Variants in TNFSF18 observed in about 807,000 individuals in gnomAD.
TNFSF18 encodes TNF superfamily member 18.
Under a neutral mutation model 9.6 loss-of-function variants are expected in TNFSF18, and 6 were observed. The ratio of observed to expected loss-of-function variants is 0.63; its 90% confidence interval spans 0.34 to 1.24. TNFSF18 has a LOEUF of 1.24. TNFSF18 is among the 50% of genes most tolerant of loss of function. The probability of loss-of-function intolerance (pLI) is 0.03; values close to 1 mark genes in which losing one functional copy is unlikely to be tolerated. For missense variants in TNFSF18, 210 were observed against 201.0 expected (o/e 1.04, Z -0.27); for synonymous variants, 68 against 71.7 (o/e 0.95, Z 0.26).
intron 2 of TNFSF18, among the ~76,000 whole-genome samples, chr1:173,042,844 C>T (rs1268465106): frequency 6.6e-6 from 1 of 152,076 alleles, no homozygotes; most frequent in Non-Finnish European, 1.5e-5. Context: ...ATTTTTACTT[C>T]AATGCTCATT....
intron 1 of TNFSF18, among the ~76,000 whole-genome samples, chr1:173,045,880 T>A (rs531113799): frequency 3.0e-4 from 46 of 152,316 alleles, no homozygotes; most frequent in Non-Finnish European, 5.6e-4. Flanking sequence ...ACAGTATACC[T>A]GGACACAAAT....
chr1:173,045,660 G>C (rs1005804369), intron 1 of TNFSF18, among the ~76,000 whole-genome samples: 2 of 147,924 alleles, frequency 1.4e-5, no homozygotes, highest in Non-Finnish European at 3.0e-5. Context: ...TGTTGTTGTT[G>C]TTACGTTTTA....
In TNFSF18 at chr1:173,050,889, A is replaced by G; in HGVS notation, c.8T>C (p.Leu3Ser). The change falls in exon 1 of 3, where the codon TTG (leucine) becomes TCG (serine). Residue 3 changes from leucine to serine, a missense_variant. Transcript: ENST00000404377. ...TAAAGGCATATTTTCCAAGTGGCTC[A>G]AACACATTTTTGGAGAAATGAGAGC... MC[L>S]SHLENMPLSH... is the part of the protein sequence containing the mutation. The G allele has an allele frequency of 6.2e-7, 1 of 1,613,902 alleles. No homozygotes were observed. Among genetic ancestry groups the G allele is most frequent in the Non-Finnish European group, 8.5e-7 (1 of 1,179,810 alleles).
At chr1:173,041,734 TA>T in intron 2 of TNFSF18, 21 bp from the exon 3 acceptor site, 1 of 1,533,518 alleles carries the variant, frequency 6.5e-7, no homozygotes, top group South Asian at 1.3e-5. Context: ...TATACAAGGA[TA>T]AAAAAGATGA....
chr1:173,045,780 T>A (rs1354899064), intron 1 of TNFSF18, among the ~76,000 whole-genome samples: 4 of 152,098 alleles, frequency 2.6e-5, no homozygotes, highest in Non-Finnish European at 5.9e-5. Flanking sequence ...TGCAGCAATG[T>A]CCCTGAGTAG....
intron 1 of TNFSF18, among the ~76,000 whole-genome samples, chr1:173,049,187 T>TA (rs1179648699): frequency 6.6e-6 from 1 of 152,176 alleles, no homozygotes; most frequent in Non-Finnish European, 1.5e-5. Flanking sequence ...TTAGACTTTC[T>TA]CTTTCCCTTT....
chr1:173,044,007 G>A (rs771487778), intron 1 of TNFSF18, 38 bp from the exon 2 acceptor site: 2 of 1,585,150 alleles, frequency 1.3e-6, no homozygotes, highest in South Asian at 1.1e-5. Context: ...TTAGGATGAT[G>A]ACAGTGTCAT....
Position 173,040,698 on chromosome 1 carries a change from C to T in TNFSF18, c.*669G>A, listed in dbSNP as rs914529921. The T allele has an allele frequency of 6.6e-6, 1 of 152,128 alleles. No individual in the cohort carries two copies. The highest frequency in any genetic ancestry group is 1.5e-5 in the Non-Finnish European group (1 of 68,014). 9.4% of individuals were successfully genotyped at this position (152,128 alleles called of 1,614,324 possible). A position where few individuals can be genotyped will look rare whatever the true frequency, so the allele number is the denominator to read the frequency against. On this transcript the variant is annotated 3_prime_UTR_variant, in exon 3 of 3. Transcript: ENST00000404377. ...CACACACACCAACAGTAAGGTCTCACAAAGCTCTACGTGAGGGTTCGGAAT... is the reference window on the plus strand; with the variant it reads ...CACACACACCAACAGTAAGGTCTCATAAAGCTCTACGTGAGGGTTCGGAAT...
intron 1 of TNFSF18, among the ~76,000 whole-genome samples, chr1:173,044,792 TAGTGA>T (rs1665052221): frequency 6.6e-6 from 1 of 152,196 alleles, no homozygotes; most frequent in Non-Finnish European, 1.5e-5. Context: ...AGGGCAAATG[TAGTGA>T]GACTAGCTAA....
At position 173,039,976 on chromosome 1, in the gene TNFSF18, T is replaced by A. The variant is rs992594219; in HGVS notation, c.*1391A>T. 3 of 152,050 alleles carry A rather than the reference T, an allele frequency of 2.0e-5. No homozygotes were observed. The highest frequency in any genetic ancestry group is 7.2e-5 in the African/African-American group (3 of 41,422). The allele number at this position is 152,050 out of a possible 1,614,324, so 9.4% of individuals were successfully genotyped here. A position where few individuals can be genotyped will look rare whatever the true frequency, so the allele number is the denominator to read the frequency against. The stretch of plus-strand genomic sequence containing the variant: ...CTTTTAAATAGCTTTACATGTAATA[T>A]TATTTAACATAATGCAGCTTTTCAC... On this transcript the variant is annotated 3_prime_UTR_variant, in exon 3 of 3. Transcript: ENST00000404377.
chr1:173,045,068 G>A (rs916916536), intron 1 of TNFSF18, among the ~76,000 whole-genome samples: 3 of 152,136 alleles, frequency 2.0e-5, no homozygotes, highest in African/African-American at 7.2e-5. Context: ...GTTTGGTTGT[G>A]GACATATTAG....
chr1:173,045,928 T>C (rs1311785756), intron 1 of TNFSF18, among the ~76,000 whole-genome samples: 1 of 152,172 alleles, frequency 6.6e-6, no homozygotes, highest in Non-Finnish European at 1.5e-5. Context: ...CTTTCCTCCG[T>C]ACTTCTATTT....
chr1:173,043,880 C>A, intron 2 of TNFSF18, 59 bp downstream of exon 2: 2 of 1,424,112 alleles, frequency 1.4e-6, no homozygotes, highest in Non-Finnish European at 2.0e-6. Context: ...ATCACTGACA[C>A]CTGCCTTCTT....
At chr1:173,046,487 C>T (rs1009073415) in intron 1 of TNFSF18, among the ~76,000 whole-genome samples, 2 of 152,102 alleles carry the variant, frequency 1.3e-5, no homozygotes, top group Admixed American at 1.3e-4. Flanking sequence ...GGTAAATTAA[C>T]ATATCAAACT....
chr1:173,046,305 T>C (rs892779500), intron 1 of TNFSF18, among the ~76,000 whole-genome samples: 1 of 152,054 alleles, frequency 6.6e-6, no homozygotes, highest in Admixed American at 6.6e-5. Flanking sequence ...AAGCTATAGA[T>C]CTTGGAATTT....
intron 1 of TNFSF18, among the ~76,000 whole-genome samples, chr1:173,048,044 C>G (rs1046182760): frequency 6.6e-6 from 1 of 152,028 alleles, no homozygotes; most frequent in Non-Finnish European, 1.5e-5. Flanking sequence ...CTCATTAATC[C>G]TTAGCACAAC....
intron 1 of TNFSF18, among the ~76,000 whole-genome samples, chr1:173,048,059 C>T (rs1665110585): frequency 6.6e-6 from 1 of 151,990 alleles, no homozygotes; most frequent in Non-Finnish European, 1.5e-5. Context: ...CACAACTCTA[C>T]AAAAATTAGG....
In TNFSF18 at chr1:173,041,486, T is replaced by A; in HGVS notation, c.415A>T (p.Thr139Ser). The A allele has an allele frequency of 6.2e-7, 1 of 1,613,570 alleles. No homozygotes were observed. The highest frequency in any genetic ancestry group is 8.5e-7 in the Non-Finnish European group (1 of 1,179,620). Residue 139 changes from threonine to serine, a missense_variant, in exon 3 of 3, where the codon ACT becomes TCT. Transcript: ENST00000404377. ...NKSKIQNVGG[T>S]YELHVGDTID... Reference sequence around the variant, plus strand: ...GTGTCCCCAACATGCAATTCATAAGTCCCTCCTACATTTTGGATTTTAGAT... The same window carrying A: ...GTGTCCCCAACATGCAATTCATAAGACCCTCCTACATTTTGGATTTTAGAT...
In TNFSF18 at chr1:173,041,409, G is replaced by A. The variant is rs1369239665; in HGVS notation, c.492C>T (p.Tyr164=). 2.5e-6 allele frequency: 4 copies of A among 1,612,800 alleles called. No homozygotes were observed. The highest frequency in any genetic ancestry group is 2.5e-6 in the Non-Finnish European group (3 of 1,179,364). ...SEHQVLKNNT[Y]WGIILLANPQ... is the part of the protein sequence containing the mutation. ...GATTTGCTAGTAAAATGATACCCCA[G>A]TATGTATTATTTTTTAGAACCTGAT... The change falls in exon 3 of 3, where the codon TAC becomes TAT. Residue 164 remains tyrosine (Y), a synonymous_variant. Coordinates refer to ENST00000404377, the MANE Select transcript of TNFSF18 (RefSeq NM_005092.4).
Sources: allele counts gnomAD v4.1 joint callset (sites outside exome capture counted in the v4.1 genomes callset), GRCh38; gene constraint gnomAD v4.1.1; transcripts MANE v1.5; gene names NCBI Gene and HGNC (gene_info 2026-07-23, HGNC 2026-07-21).